The following STRBP variants were observed in gnomAD, a reference collection of about 807,000 sequenced individuals.
The protein encoded by STRBP is spermatid perinuclear RNA-binding protein.
A neutral mutation model predicts 80.1 loss-of-function variants in STRBP; 13 were observed. That is an observed-to-expected ratio of 0.16 (90% CI 0.11 to 0.26). The LOEUF (loss-of-function observed/expected upper bound fraction) is 0.26. Among genes scored for constraint, STRBP ranks in the 10% least tolerant of loss-of-function variants. The probability of loss-of-function intolerance (pLI) is 1.00; values close to 1 mark genes in which losing one functional copy is unlikely to be tolerated. For synonymous variants in STRBP, 284 were observed against 291.2 expected (o/e 0.98, Z 0.25); for missense variants, 485 against 815.2 (o/e 0.59, Z 4.93).
chr9:123,252,702 C>T (rs2040942078), intron 1 of STRBP, among the ~76,000 whole-genome samples: 1 of 152,196 alleles, frequency 6.6e-6, no homozygotes, highest in Non-Finnish European at 1.5e-5. Flanking sequence ...TAGATGGCTG[C>T]TATTGCTATA....
At chr9:123,226,733 A>G (rs1305849600) in intron 2 of STRBP, among the ~76,000 whole-genome samples, 4 of 144,964 alleles carry the variant, frequency 2.8e-5, no homozygotes, top group African/African-American at 1.0e-4. Flanking sequence ...CCCTGCCCTC[A>G]TGGAGCTTCA....
intron 7 of STRBP, 138 bp from the exon 8 acceptor site, chr9:123,160,600 G>A: frequency 1.9e-6 from 1 of 516,492 alleles, no homozygotes; most frequent in Non-Finnish European, 3.1e-6. Context: ...ATCACAAGTA[G>A]TAAAATTAAG....
chr9:123,184,099 A>G (rs780230277), intron 3 of STRBP, 33 bp downstream of exon 3: 1 of 1,589,620 alleles, frequency 6.3e-7, no homozygotes, highest in Non-Finnish European at 8.6e-7. Context: ...AGTCTTTTGT[A>G]ACTAAATTAT....
intron 2 of STRBP, among the ~76,000 whole-genome samples, chr9:123,197,214 G>C (rs1401401298): frequency 6.6e-6 from 1 of 152,142 alleles, no homozygotes; most frequent in Non-Finnish European, 1.5e-5. Flanking sequence ...AAGAAATAGA[G>C]AGCAGAATGA....
At chr9:123,162,407 G>A (rs921522887) in intron 6 of STRBP, among the ~76,000 whole-genome samples, 2 of 151,732 alleles carry the variant, frequency 1.3e-5, no homozygotes, top group African/African-American at 2.4e-5. Context: ...TTGTAGATAT[G>A]GGATCTCACT....
intron 2 of STRBP, among the ~76,000 whole-genome samples, chr9:123,227,155 A>G (rs766221453): frequency 5.3e-5 from 8 of 152,230 alleles, no homozygotes; most frequent in Non-Finnish European, 8.8e-5. Flanking sequence ...CACGGCAATC[A>G]TAAACATAAG....
chr9:123,121,625 T>G lies in STRBP; in HGVS notation c.*3972A>C, dbSNP rs2035736546. ...ATAATATTTTGTTTTTGTTTTTTTTTTTTTTCATTTTCTATTGCTTTTTTC... is the reference window on the plus strand; with the variant it reads ...ATAATATTTTGTTTTTGTTTTTTTTGTTTTTCATTTTCTATTGCTTTTTTC... On this transcript the variant is annotated 3_prime_UTR_variant, in exon 19 of 19. Transcript: ENST00000348403. 6.6e-6 allele frequency: 1 copy of G among 152,094 alleles called. No individual in the cohort carries two copies. Among genetic ancestry groups the G allele is most frequent in the Non-Finnish European group, 1.5e-5 (1 of 68,016 alleles). 9.4% of individuals were successfully genotyped at this position (152,094 alleles called of 1,614,324 possible). A position where few individuals can be genotyped will look rare whatever the true frequency, so the allele number is the denominator to read the frequency against.
At chr9:123,259,072 A>C (rs1476251370) in intron 1 of STRBP, among the ~76,000 whole-genome samples, 1 of 145,188 alleles carries the variant, frequency 6.9e-6, no homozygotes, top group Non-Finnish European at 1.5e-5. Context: ...CAAAAAAAAA[A>C]AAAGGGGGGG....
chr9:123,171,437 C>T (rs2038005410), intron 5 of STRBP, among the ~76,000 whole-genome samples: 1 of 152,102 alleles, frequency 6.6e-6, no homozygotes, highest in African/African-American at 2.4e-5. Context: ...AATATCGTAT[C>T]AGAGACTGGT....
At chr9:123,171,462 C>T (rs921488812) in intron 5 of STRBP, among the ~76,000 whole-genome samples, 31 of 152,186 alleles carry the variant, frequency 2.0e-4, no homozygotes, top group African/African-American at 7.0e-4. Flanking sequence ...CACACAAACA[C>T]CATGAAAACT....
intron 16 of STRBP, chr9:123,135,819 A>G (rs2036329788): frequency 4.9e-6 from 2 of 405,006 alleles, no homozygotes; most frequent in Non-Finnish European, 8.8e-6. Context: ...ACATATAAAT[A>G]TAAATATACA....
At chr9:123,117,572 C>T (rs2035666776), downstream of STRBP, among the ~76,000 whole-genome samples, 1 of 152,182 alleles carries the variant, frequency 6.6e-6, no homozygotes, top group African/African-American at 2.4e-5. Flanking sequence ...GAGGCCTACT[C>T]CAAGGGAAAC....
intron 2 of STRBP, among the ~76,000 whole-genome samples, chr9:123,212,884 C>T (rs1228752865): frequency 1.3e-5 from 2 of 152,158 alleles, no homozygotes; most frequent in African/African-American, 4.8e-5. Context: ...AAGGGCCAGA[C>T]TCATAAATTT....
chr9:123,211,531 G>A (rs148432049), intron 2 of STRBP, among the ~76,000 whole-genome samples: 97 of 152,134 alleles, frequency 6.4e-4, no homozygotes, highest in African/African-American at 2.3e-3. Flanking sequence ...GCTTATTGCA[G>A]GCCAATGAAA....
At chr9:123,248,258 C>T (rs950637523) in intron 1 of STRBP, among the ~76,000 whole-genome samples, 3 of 140,098 alleles carry the variant, frequency 2.1e-5, no homozygotes, top group Non-Finnish European at 4.6e-5. Flanking sequence ...CCACCCCTAT[C>T]GTGTTTTTTT....
chr9:123,141,888 G>C (rs2036604920), intron 13 of STRBP, among the ~76,000 whole-genome samples: 1 of 152,182 alleles, frequency 6.6e-6, no homozygotes, highest in Non-Finnish European at 1.5e-5. Context: ...CAAAAAAGCA[G>C]GGAGTTCTCA....
chr9:123,125,380 A>C lies in STRBP; in HGVS notation c.*217T>G, dbSNP rs2035853265. On this transcript the variant is annotated 3_prime_UTR_variant, in exon 19 of 19. Coordinates refer to ENST00000348403, the MANE Select transcript of STRBP (RefSeq NM_018387.5). ...GGGCTGGTATAAGTTATTTTCCAGAAATGAGGTACCGTTTTCACAGAACTG... is the reference window on the plus strand; with the variant it reads ...GGGCTGGTATAAGTTATTTTCCAGACATGAGGTACCGTTTTCACAGAACTG... 1.6e-6 allele frequency: 2 copies of C among 1,225,432 alleles called. No individual in the cohort carries two copies. Among genetic ancestry groups the C allele is most frequent in the Admixed American group, 8.0e-5 (2 of 25,102 alleles). The allele number at this position is 1,225,432 out of a possible 1,614,324, so 75.9% of individuals were successfully genotyped here.
At chr9:123,201,632 G>A (rs756026439) in intron 2 of STRBP, among the ~76,000 whole-genome samples, 5 of 152,188 alleles carry the variant, frequency 3.3e-5, no homozygotes, top group East Asian at 3.9e-4. Flanking sequence ...ATATAATTTC[G>A]ATTTTTTAAA....
intron 2 of STRBP, among the ~76,000 whole-genome samples, chr9:123,221,261 T>C (rs2040057513): frequency 1.3e-5 from 2 of 152,138 alleles, no homozygotes; most frequent in South Asian, 4.1e-4. Flanking sequence ...TCTCTGTCCC[T>C]TTGCCATTCC....
Sources: allele counts gnomAD v4.1 joint callset (sites outside exome capture counted in the v4.1 genomes callset), GRCh38; gene constraint gnomAD v4.1.1; transcripts MANE v1.5; gene names NCBI Gene and HGNC (gene_info 2026-07-23, HGNC 2026-07-21).